The following ARHGAP32 variants were observed in gnomAD, a reference collection of about 807,000 sequenced individuals.
ARHGAP32 encodes the protein rho GTPase-activating protein 32.
A neutral mutation model predicts 186.5 loss-of-function variants in ARHGAP32; 51 were observed. That is an observed-to-expected ratio of 0.27 (90% CI 0.22 to 0.35). The LOEUF (loss-of-function observed/expected upper bound fraction) is 0.35, where lower values mean the gene tolerates loss of function less well. Among genes scored for constraint, ARHGAP32 ranks in the 10% least tolerant of loss-of-function variants. The pLI, the probability that ARHGAP32 is intolerant of heterozygous loss-of-function variation, is 1.00. For missense variants in ARHGAP32, 2,186 were observed against 2,623.5 expected, an observed-to-expected ratio of 0.83 and a Z score of 3.64; for synonymous variants, 950 against 964.3, an observed-to-expected ratio of 0.99 and a Z score of 0.27.
At position 129,192,273 on chromosome 11, in the gene ARHGAP32, T is replaced by C; in HGVS notation, c.-75A>G. 1.0e-6 allele frequency: 1 copy of C among 1,001,994 alleles called. No homozygotes were observed. Among genetic ancestry groups the C allele is most frequent in the Non-Finnish European group, 1.6e-6 (1 of 638,284 alleles). 62.1% of individuals were successfully genotyped at this position (1,001,994 alleles called of 1,614,324 possible). On this transcript the variant is annotated 5_prime_UTR_variant, in exon 1 of 23. Coordinates refer to ENST00000682385, the MANE Select transcript of ARHGAP32 (RefSeq NM_001378024.1). ...AGCACCAACATTCAGGTTGTTCAGC[T>C]CTACTCATGTATACTCAGATGTGTG...
intron 11 of ARHGAP32, among the ~76,000 whole-genome samples, chr11:129,015,292 T>C (rs1055253434): frequency 2.0e-5 from 3 of 152,170 alleles, no homozygotes; most frequent in African/African-American, 7.2e-5. Flanking sequence ...AGGCCTGGGG[T>C]ATGACTGCCC....
intron 2 of ARHGAP32, among the ~76,000 whole-genome samples, chr11:129,137,932 T>C (rs1175805666): frequency 6.6e-6 from 1 of 152,042 alleles, no homozygotes; most frequent in Non-Finnish European, 1.5e-5. Flanking sequence ...TTACTGTACA[T>C]TAACATGCAG....
At chr11:128,973,588 T>A (rs1591486825) in intron 21 of ARHGAP32, 156 bp from the exon 22 acceptor site, 1 of 741,894 alleles carries the variant, frequency 1.3e-6, no homozygotes, top group East Asian at 2.7e-5. Flanking sequence ...GCAAATGCTG[T>A]TGAAAACACA....
chr11:129,266,407 C>T (rs1021256441), intron 1 of ARHGAP32, among the ~76,000 whole-genome samples: 20 of 152,156 alleles, frequency 1.3e-4, no homozygotes, highest in Non-Finnish European at 2.6e-4. Flanking sequence ...CATAGTAGCA[C>T]TGGTACAGGC....
intron 2 of ARHGAP32, among the ~76,000 whole-genome samples, chr11:129,153,482 C>A: frequency 6.6e-6 from 1 of 152,096 alleles, no homozygotes; most frequent in East Asian, 1.9e-4. Context: ...CAACTTCAAA[C>A]TATACTACAA....
chr11:128,971,437 A>G (rs1945370731), intron 22 of ARHGAP32: 1 of 375,868 alleles, frequency 2.7e-6, no homozygotes, highest in Non-Finnish European at 4.8e-6. Context: ...TAATTTTAAT[A>G]TACAAACCAA....
At chr11:128,992,394 CAAT>C (rs988083650) in intron 12 of ARHGAP32, among the ~76,000 whole-genome samples, 3 of 151,784 alleles carry the variant, frequency 2.0e-5, no homozygotes, top group African/African-American at 4.8e-5. Flanking sequence ...TGAAAAAAAT[CAAT>C]GATACCAGAA....
intron 1 of ARHGAP32, among the ~76,000 whole-genome samples, chr11:129,223,189 T>G (rs543971344): frequency 1.3e-5 from 2 of 152,282 alleles, no homozygotes; most frequent in African/African-American, 4.8e-5. Context: ...TAATTCAGAA[T>G]AGCAACATCC....
At chr11:129,249,655 TAAG>T (rs1206504606) in intron 1 of ARHGAP32, among the ~76,000 whole-genome samples, 3 of 152,186 alleles carry the variant, frequency 2.0e-5, no homozygotes, top group Non-Finnish European at 4.4e-5. Flanking sequence ...AGTGAGACTA[TAAG>T]AAGAAGAAAG....
At chr11:129,081,924 T>A (rs1941233640) in intron 6 of ARHGAP32, among the ~76,000 whole-genome samples, 1 of 152,124 alleles carries the variant, frequency 6.6e-6, no homozygotes, top group South Asian at 2.1e-4. Context: ...AAAGTCAATG[T>A]ACACAAATCA....
intron 1 of ARHGAP32, among the ~76,000 whole-genome samples, chr11:129,232,105 T>C (rs1044729338): frequency 6.0e-5 from 9 of 151,088 alleles, no homozygotes; most frequent in Non-Finnish European, 1.2e-4. Context: ...TCCCATTTCT[T>C]CCTTCCCACA....
chr11:128,970,938 T>C lies in ARHGAP32; in HGVS notation c.4275A>G (p.Ala1425=). The change falls in exon 23 of 23, where the codon GCA becomes GCG. Residue 1425 remains alanine (A), a synonymous_variant. Transcript: ENST00000682385. This position sits in a 1 kb window ranked among gnomAD's most constrained non-coding sequence, Gnocchi z 5.8. Reference sequence around the variant, plus strand: ...CCATCATCCTGGTGGGGGGCAGTGGTGCAGGAAAGCCACAGGGATGCGCAG... The same window carrying C: ...CCATCATCCTGGTGGGGGGCAGTGGCGCAGGAAAGCCACAGGGATGCGCAG... ...SVPAHPCGFP[A]PLPPTRMMES... is the part of the protein sequence containing the mutation. 1 of 1,613,962 alleles carries C rather than the reference T, an allele frequency of 6.2e-7. No homozygotes were observed. Among genetic ancestry groups the C allele is most frequent in the African/African-American group, 1.3e-5 (1 of 75,036 alleles).
intron 6 of ARHGAP32, among the ~76,000 whole-genome samples, chr11:129,089,525 C>A (rs531447931): frequency 6.6e-6 from 1 of 152,262 alleles, no homozygotes; most frequent in East Asian, 1.9e-4. Flanking sequence ...GGCCCTTTTA[C>A]AAACTGCCCG....
chr11:129,009,074 A>G (rs1343037652), intron 11 of ARHGAP32, among the ~76,000 whole-genome samples: 1 of 152,240 alleles, frequency 6.6e-6, no homozygotes, highest in Non-Finnish European at 1.5e-5. Flanking sequence ...ACAATTTAAC[A>G]TTATACAATA....
At position 128,997,962 on chromosome 11, in the gene ARHGAP32, T is replaced by C. The variant is rs972064491; in HGVS notation, c.1195+357A>G. 5.9e-5 allele frequency among the ~76,000 whole-genome samples: 9 copies of C among 151,344 alleles called. No individual in the cohort carries two copies. The East Asian group carries it at 1.4e-3, about 23-fold the overall frequency. ...GTCTCAAAACTCTGACAGTTTTTTT[T>C]CCATAAGAAGAATTAGATAAATATT... On this transcript the variant is annotated intron_variant, in intron 12 of 22. Transcript: ENST00000682385.
chr11:129,101,573 A>T (rs1941900413), intron 5 of ARHGAP32, among the ~76,000 whole-genome samples: 1 of 152,252 alleles, frequency 6.6e-6, no homozygotes, highest in Non-Finnish European at 1.5e-5. Context: ...AAGTATTAAC[A>T]GCAGAACAGA....
At chr11:129,044,879 T>G (rs1286733404) in intron 10 of ARHGAP32, among the ~76,000 whole-genome samples, 2 of 150,966 alleles carry the variant, frequency 1.3e-5, no homozygotes, top group African/African-American at 4.9e-5. Context: ...AGTTCGAGTA[T>G]CTTTTGGCAA....
rs58982581 is a variant in ARHGAP32 at position 128,977,851 on chromosome 11, TTTATTATTATTATTATTATTATTA to T, written c.2122+895_2122+918del. Among the ~76,000 whole-genome samples, 160 of 138,964 alleles carry T rather than the reference TTTATTATTATTATTATTATTATTA, an allele frequency of 1.2e-3. 1 individual carries two copies. Among genetic ancestry groups the T allele is most frequent in the African/African-American group, 4.2e-3 (157 of 37,710 alleles). 91.2% of individuals were successfully genotyped at this position (138,964 alleles called of 152,430 possible). A position where few individuals can be genotyped will look rare whatever the true frequency, so the allele number is the denominator to read the frequency against. Reference sequence around the variant, plus strand: ...GCCACCAAGCCTCGCTTATTTGCAATTTATTATTATTATTATTATTATTATTATTATTATTATTATTATTTTGTA... The same window carrying T: ...GCCACCAAGCCTCGCTTATTTGCAATTTATTATTATTATTATTATTTTGTA... On this transcript the variant is annotated intron_variant, in intron 19 of 22. Coordinates refer to ENST00000682385, the MANE Select transcript of ARHGAP32 (RefSeq NM_001378024.1).
At chr11:129,211,764 G>T (rs1252421395) in intron 1 of ARHGAP32, among the ~76,000 whole-genome samples, 1 of 152,068 alleles carries the variant, frequency 6.6e-6, no homozygotes, top group East Asian at 1.9e-4. Flanking sequence ...ATTTACATAA[G>T]AAAGAAAAAT....
Sources: gnomAD v4.1 joint callset for allele counts (sites outside exome capture counted in the v4.1 genomes callset) on GRCh38, gnomAD v4.1.1 for gene constraint, Gnocchi (gnomAD v3.1) non-coding constraint, MANE v1.5 for transcripts, NCBI Gene and HGNC (gene_info 2026-07-23, HGNC 2026-07-21) for gene names.